Variants in PLEKHA1 observed in about 807,000 individuals in gnomAD.
PLEKHA1 encodes the protein pleckstrin homology domain-containing family A member 1.
A neutral mutation model predicts 52.0 loss-of-function variants in PLEKHA1; 34 were observed. That is an observed-to-expected ratio of 0.65 (90% CI 0.50 to 0.87). The LOEUF is 0.87. Ranked by LOEUF, PLEKHA1 falls within the 40% of genes least tolerant of loss-of-function variation. PLEKHA1 has a pLI of 0.00. For synonymous variants in PLEKHA1, 163 were observed against 170.7 expected, an observed-to-expected ratio of 0.95 and a Z score of 0.35; for missense variants, 497 against 504.2, an observed-to-expected ratio of 0.99 and a Z score of 0.14.
chr10:122,426,482 G>T (rs2097341231), intron 10 of PLEKHA1, among the ~76,000 whole-genome samples: 1 of 152,164 alleles, frequency 6.6e-6, no homozygotes, highest in African/African-American at 2.4e-5. Flanking sequence ...AATTCACATT[G>T]AAAGCCAGAC....
At chr10:122,377,633 T>A (rs1012330721) in intron 1 of PLEKHA1, among the ~76,000 whole-genome samples, 6 of 152,174 alleles carry the variant, frequency 3.9e-5, no homozygotes, top group Non-Finnish European at 7.4e-5. Context: ...TATGGGATGT[T>A]TTTATGTAAA....
intron 3 of PLEKHA1, 98 bp from the exon 4 acceptor site, chr10:122,400,245 T>C (rs1414644320): frequency 1.1e-6 from 1 of 896,740 alleles, no homozygotes; most frequent in African/African-American, 1.7e-5. Context: ...TGTGTATGAT[T>C]ATTGGGGAAT....
chr10:122,394,112 T>A (rs2096817066), intron 2 of PLEKHA1, among the ~76,000 whole-genome samples: 1 of 130,142 alleles, frequency 7.7e-6, no homozygotes, highest in South Asian at 2.6e-4. Context: ...GAGTCTCTTA[T>A]CACCCAGGCT....
chr10:122,416,438 A>G (rs1325139361), intron 7 of PLEKHA1, among the ~76,000 whole-genome samples: 4 of 152,184 alleles, frequency 2.6e-5, no homozygotes, highest in African/African-American at 9.7e-5. Context: ...ACCTTGGGCT[A>G]CTTACTTAAC....
At chr10:122,398,545 A>G (rs1412204419) in intron 3 of PLEKHA1, among the ~76,000 whole-genome samples, 1 of 150,958 alleles carries the variant, frequency 6.6e-6, no homozygotes, top group Non-Finnish European at 1.5e-5. Flanking sequence ...ATTTTCTTCT[A>G]TTAATGTTTA....
In PLEKHA1 at chr10:122,410,509, T is replaced by C. The variant is rs553361756; in HGVS notation, c.343-2411T>C. ...TAATGGCTGAATTTAGACCAAGTTTTACAGAGGTACATATTGTTTTTAGAG... is the reference window on the plus strand; with the variant it reads ...TAATGGCTGAATTTAGACCAAGTTTCACAGAGGTACATATTGTTTTTAGAG... On this transcript the variant is annotated intron_variant, in intron 5 of 11. Transcript: ENST00000368990. Among the ~76,000 whole-genome samples the C allele has an allele frequency of 1.6e-4, 25 of 152,336 alleles. No individual in the cohort carries two copies. The East Asian group carries it at 4.6e-3, about 28-fold the overall frequency.
At chr10:122,398,452 ATTTG>A (rs773010048) in intron 3 of PLEKHA1, among the ~76,000 whole-genome samples, 4 of 150,652 alleles carry the variant, frequency 2.7e-5, no homozygotes, top group Non-Finnish European at 5.9e-5. Flanking sequence ...CTGTTTTCTT[ATTTG>A]TTTTTCTGGT....
downstream of PLEKHA1, chr10:122,432,954 A>G (rs1267076238): frequency 1.3e-5 from 2 of 152,174 alleles, no homozygotes; most frequent in Non-Finnish European, 1.5e-5. Context: ...AAAAGTGTAT[A>G]CCTATTTGTT....
At chr10:122,434,581 TTTA>T (rs887666877), downstream of PLEKHA1, 33 of 152,264 alleles carry the variant, frequency 2.2e-4, no homozygotes, top group Middle Eastern at 3.4e-3. Flanking sequence ...AAGTATTTTT[TTTA>T]TTATTTAAGT....
At chr10:122,377,778 T>C (rs2096558300) in intron 1 of PLEKHA1, among the ~76,000 whole-genome samples, 1 of 152,242 alleles carries the variant, frequency 6.6e-6, no homozygotes, top group African/African-American at 2.4e-5. Flanking sequence ...TTGTGATTCC[T>C]AGAAGATGCT....
intron 1 of PLEKHA1, among the ~76,000 whole-genome samples, chr10:122,382,639 T>A (rs1027971739): frequency 1.4e-4 from 21 of 152,196 alleles, no homozygotes; most frequent in Non-Finnish European, 2.6e-4. Flanking sequence ...AAGTGGTGAT[T>A]TTCTATTACT....
Position 122,406,639 on chromosome 10 carries a change from G to A in PLEKHA1, c.308G>A (p.Trp103Ter), listed in dbSNP as rs1424020727. The A allele has an allele frequency of 6.2e-7, 1 of 1,612,490 alleles. No homozygotes were observed. The highest frequency in any genetic ancestry group is 8.5e-7 in the Non-Finnish European group (1 of 1,178,650). ...AATGATCAGCAGGACCTAGTGGAATGGGTAAATGTGTTAAACAAAGCTATA... is the reference window on the plus strand; with the variant it reads ...AATGATCAGCAGGACCTAGTGGAATAGGTAAATGTGTTAAACAAAGCTATA... ...QANDQQDLVE[W>*]VNVLNKAIKI... Residue 103 changes from tryptophan to a stop codon, truncating the protein, a stop_gained, in exon 5 of 12, where the codon TGG (tryptophan) becomes TAG (stop). Transcript: ENST00000368990. LOFTEE classifies it high-confidence loss of function.
chr10:122,415,790 T>TA, intron 6 of PLEKHA1, 69 bp from the exon 7 acceptor site: 1 of 1,416,604 alleles, frequency 7.1e-7, no homozygotes. Flanking sequence ...GATTTTCTAC[T>TA]GGGATAATAT....
chr10:122,395,483 T>C (rs570525232), intron 2 of PLEKHA1, among the ~76,000 whole-genome samples: 5 of 152,188 alleles, frequency 3.3e-5, no homozygotes, highest in Admixed American at 6.5e-5. Context: ...ATTATTTTCT[T>C]TCTTTATCAA....
At chr10:122,411,193 C>T (rs547962677) in intron 5 of PLEKHA1, among the ~76,000 whole-genome samples, 28 of 152,194 alleles carry the variant, frequency 1.8e-4, no homozygotes, top group Non-Finnish European at 2.1e-4. Flanking sequence ...TTTGTTTCTG[C>T]GGATGAGGGC....
chr10:122,440,797 G>T, the PLEKHA1 span: 1 of 152,286 alleles, frequency 6.6e-6, no homozygotes. Context: ...TTGGCCCAAA[G>T]GGGACATAAA....
At chr10:122,397,832 C>T (rs2096871728) in intron 2 of PLEKHA1, 86 bp from the exon 3 acceptor site, 1 of 1,098,248 alleles carries the variant, frequency 9.1e-7, no homozygotes, top group African/African-American at 1.6e-5. Flanking sequence ...GAGTTTTTAA[C>T]TTTTCAGAAG....
chr10:122,391,819 C>T (rs2096779953), intron 1 of PLEKHA1, among the ~76,000 whole-genome samples: 1 of 151,714 alleles, frequency 6.6e-6, no homozygotes, highest in Non-Finnish European at 1.5e-5. Context: ...ACAATAACAG[C>T]AACAACACAC....
intron 8 of PLEKHA1, 63 bp downstream of exon 8, chr10:122,418,031 T>G (rs1023049241): frequency 1.5e-6 from 2 of 1,297,624 alleles, no homozygotes; most frequent in African/African-American, 1.5e-5. Flanking sequence ...ATGTAGTGAT[T>G]ATATATAATT....
Sources: gnomAD v4.1 joint callset for allele counts (sites outside exome capture counted in the v4.1 genomes callset) on GRCh38, gnomAD v4.1.1 for gene constraint, MANE v1.5 for transcripts, NCBI Gene and HGNC (gene_info 2026-07-23, HGNC 2026-07-21) for gene names.